FAAH2: variants seen among roughly 807,000 people sequenced by gnomAD.
FAAH2 encodes the protein fatty acid amide hydrolase 2.
A neutral mutation model predicts 36.9 loss-of-function variants in FAAH2; 60 were observed. The ratio of observed to expected loss-of-function variants is 1.63; its 90% CI spans 1.32 to 2.02. The LOEUF (loss-of-function observed/expected upper bound fraction) is 2.02. Among genes scored for constraint, FAAH2 ranks in the 30% most tolerant of loss-of-function variants. FAAH2 has a pLI of 0.00. For missense variants in FAAH2, 689 were observed against 397.5 expected, an observed-to-expected ratio of 1.73 and a Z score of -6.23; for synonymous variants, 214 against 143.8, an observed-to-expected ratio of 1.49 and a Z score of -3.49.
chrX:57,325,341 A>C (rs896416003), intron 3 of FAAH2, among the ~76,000 whole-genome samples: 1 of 111,373 alleles, frequency 9.0e-6, no homozygotes, highest in Non-Finnish European at 1.9e-5. Context: ...TATCAGGATG[A>C]TGCTGGCCTC....
chrX:57,326,324 G>T (rs1378574032), intron 3 of FAAH2, among the ~76,000 whole-genome samples: 1 of 113,638 alleles, frequency 8.8e-6, no homozygotes, highest in Non-Finnish European at 1.9e-5. Flanking sequence ...TGTTGATTTG[G>T]GGTGGAGAGT....
At chrX:57,157,675 C>T in the FAAH2 span, among the ~76,000 whole-genome samples, 1 of 111,860 alleles carries the variant, frequency 8.9e-6, no homozygotes, top group Admixed American at 9.5e-5. Flanking sequence ...AAACCAAGTA[C>T]TGTGATCAAT....
At chrX:57,162,021 G>A in the FAAH2 span, among the ~76,000 whole-genome samples, 2 of 111,762 alleles carry the variant, frequency 1.8e-5, no homozygotes, top group Admixed American at 1.9e-4. Flanking sequence ...TCCATATTTA[G>A]TGCTTCCTTC....
At chrX:57,350,718 A>C (rs1164783326) in intron 5 of FAAH2, among the ~76,000 whole-genome samples, 1 of 111,095 alleles carries the variant, frequency 9.0e-6, no homozygotes, top group Admixed American at 9.6e-5. Context: ...TTTTTATAAG[A>C]TCAAACAGAC....
chrX:57,228,277 G>A, the FAAH2 span, among the ~76,000 whole-genome samples: 46 of 111,297 alleles, frequency 4.1e-4, no homozygotes, highest in Admixed American at 1.6e-3. Flanking sequence ...TGCCAGGCAG[G>A]AATTGTCTGC....
At chrX:57,459,679 C>T (rs920112336) in intron 10 of FAAH2, among the ~76,000 whole-genome samples, 1 of 112,333 alleles carries the variant, frequency 8.9e-6, no homozygotes, top group African/African-American at 3.2e-5. Context: ...GTTCTGCAGC[C>T]TCTGCTGGTG....
the FAAH2 span, among the ~76,000 whole-genome samples, chrX:57,209,096 G>A: frequency 8.9e-6 from 1 of 112,086 alleles, no homozygotes; most frequent in African/African-American, 3.2e-5. Context: ...CTCTGTCCCA[G>A]GGTAGGTCTA....
At chrX:57,203,559 C>A in the FAAH2 span, among the ~76,000 whole-genome samples, 1 of 112,158 alleles carries the variant, frequency 8.9e-6, no homozygotes, top group Admixed American at 9.4e-5. Flanking sequence ...GTGATGAAAG[C>A]AAAGTGGCTT....
chrX:57,123,451 C>G, the FAAH2 span, among the ~76,000 whole-genome samples: 1 of 111,939 alleles, frequency 8.9e-6, no homozygotes, highest in East Asian at 2.8e-4. Flanking sequence ...TGAATAGTGC[C>G]GCAATAAACG....
At chrX:57,149,150 T>C in the FAAH2 span, among the ~76,000 whole-genome samples, 1 of 111,846 alleles carries the variant, frequency 8.9e-6, no homozygotes, top group Non-Finnish European at 1.9e-5. Context: ...GCTGCTGGAT[T>C]CGTTTTGCCA....
At chrX:57,301,632 AT>A (rs2052374767) in intron 2 of FAAH2, among the ~76,000 whole-genome samples, 2 of 108,236 alleles carry the variant, frequency 1.8e-5, no homozygotes, top group South Asian at 3.9e-4. Flanking sequence ...AATAATAATA[AT>A]AATAATAATA....
At chrX:57,424,271 C>G (rs374784168) in intron 7 of FAAH2, among the ~76,000 whole-genome samples, 4 of 112,208 alleles carry the variant, frequency 3.6e-5, no homozygotes, top group East Asian at 5.7e-4. Context: ...AGCATTACCC[C>G]ATCTCTGGGG....
At chrX:57,376,443 G>A (rs1412982694) in intron 5 of FAAH2, among the ~76,000 whole-genome samples, 1 of 110,775 alleles carries the variant, frequency 9.0e-6, no homozygotes, top group Non-Finnish European at 1.9e-5. Flanking sequence ...GTGCCCATAT[G>A]TTCTCATTGT....
chrX:57,472,087 T>A (rs1174432059), intron 10 of FAAH2, among the ~76,000 whole-genome samples: 1 of 112,010 alleles, frequency 8.9e-6, no homozygotes, highest in East Asian at 2.8e-4. Context: ...TATACAAAAA[T>A]TAATTCAAGT....
intron 7 of FAAH2, among the ~76,000 whole-genome samples, chrX:57,414,061 G>T (rs1602580304): frequency 8.9e-6 from 1 of 112,182 alleles, no homozygotes; most frequent in Admixed American, 9.5e-5. Flanking sequence ...CATTGATTTT[G>T]TATCCTGAGA....
chrX:57,469,967 A>G (rs1024139007), intron 10 of FAAH2, among the ~76,000 whole-genome samples: 4 of 111,858 alleles, frequency 3.6e-5, no homozygotes, highest in Non-Finnish European at 5.6e-5. Context: ...ACTCAGCTAC[A>G]TGGAAACTGA....
At chrX:57,162,569 C>A in the FAAH2 span, among the ~76,000 whole-genome samples, 2 of 111,344 alleles carry the variant, frequency 1.8e-5, no homozygotes, top group Admixed American at 9.5e-5. Context: ...TCTTTTTATT[C>A]TTTTTTCTCT....
the FAAH2 span, among the ~76,000 whole-genome samples, chrX:57,192,991 T>G: frequency 8.9e-6 from 1 of 112,132 alleles, no homozygotes; most frequent in Non-Finnish European, 1.9e-5. Flanking sequence ...TTGAACAATA[T>G]GAAATCTGGG....
intron 10 of FAAH2, among the ~76,000 whole-genome samples, chrX:57,484,117 T>C (rs1834418997): frequency 9.0e-6 from 1 of 110,904 alleles, no homozygotes; most frequent in South Asian, 3.8e-4. Flanking sequence ...TGGCAACTTT[T>C]TTATTGCGCT....
Sources: allele counts gnomAD v4.1 joint callset (sites outside exome capture counted in the v4.1 genomes callset), GRCh38; gene constraint gnomAD v4.1.1; transcripts MANE v1.5; gene names NCBI Gene and HGNC (gene_info 2026-07-23, HGNC 2026-07-21).